Variants in XKR4 observed in about 807,000 individuals in gnomAD.
XKR4 encodes the protein XK related 4, also known as XK-related protein 4.
A neutral mutation model predicts 53.9 loss-of-function variants in XKR4; 12 were observed. The observed-to-expected ratio is 0.22, with a 90% CI of 0.14 to 0.36. The LOEUF (loss-of-function observed/expected upper bound fraction) is 0.36. Ranked by LOEUF, XKR4 falls within the 10% of genes least tolerant of loss-of-function variation. The pLI is 1.00. For missense variants in XKR4, 799 were observed against 859.5 expected, an observed-to-expected ratio of 0.93 and a Z score of 0.88; for synonymous variants, 354 against 362.4, an observed-to-expected ratio of 0.98 and a Z score of 0.26.
chr8:55,409,217 C>T (rs547982253), intron 2 of XKR4, among the ~76,000 whole-genome samples: 1 of 152,176 alleles, frequency 6.6e-6, no homozygotes, highest in Non-Finnish European at 1.5e-5. Flanking sequence ...GCGTTACAGG[C>T]CTGGCAGGCA....
At chr8:55,206,233 C>T (rs1052812024) in intron 1 of XKR4, among the ~76,000 whole-genome samples, 2 of 145,206 alleles carry the variant, frequency 1.4e-5, no homozygotes, top group East Asian at 3.9e-4. Flanking sequence ...GGGTGGCCAG[C>T]TTTTATTCCC....
At chr8:55,286,793 G>A (rs990062830) in intron 1 of XKR4, among the ~76,000 whole-genome samples, 1 of 152,136 alleles carries the variant, frequency 6.6e-6, no homozygotes, top group Non-Finnish European at 1.5e-5. Flanking sequence ...CCTTGAATGT[G>A]ATGGGCACTC....
chr8:55,171,796 C>G (rs1007854649), intron 1 of XKR4, among the ~76,000 whole-genome samples: 6 of 152,116 alleles, frequency 3.9e-5, no homozygotes, highest in Admixed American at 6.5e-5. Context: ...CTTCCAGTAT[C>G]CCCGAGCTAC....
chr8:55,203,953 AG>A (rs544432838), intron 1 of XKR4, among the ~76,000 whole-genome samples: 8 of 152,324 alleles, frequency 5.3e-5, no homozygotes, highest in Admixed American at 5.2e-4. Context: ...ATTCACTGGA[AG>A]AGATGTGTAC....
intron 2 of XKR4, chr8:55,455,035 G>A: frequency 1.3e-6 from 1 of 742,982 alleles, no homozygotes; most frequent in Non-Finnish European, 2.5e-6. Flanking sequence ...TGGCCTCCCA[G>A]TCCTTCTCCG....
intron 2 of XKR4, among the ~76,000 whole-genome samples, chr8:55,447,183 A>G (rs1292688615): frequency 6.6e-6 from 1 of 152,238 alleles, no homozygotes; most frequent in Non-Finnish European, 1.5e-5. Context: ...AGAAACCATC[A>G]AAGCTAACTG....
intron 2 of XKR4, among the ~76,000 whole-genome samples, chr8:55,481,952 T>C (rs1361110371): frequency 6.6e-6 from 1 of 152,230 alleles, no homozygotes; most frequent in East Asian, 1.9e-4. Flanking sequence ...TTGGTGGGAC[T>C]GTAATCTAGT....
intron 2 of XKR4, among the ~76,000 whole-genome samples, chr8:55,486,467 C>A (rs970427194): frequency 1.3e-5 from 2 of 152,190 alleles, no homozygotes; most frequent in Non-Finnish European, 2.9e-5. Flanking sequence ...GCAAAAATTG[C>A]ATGAAACAAA....
intron 1 of XKR4, among the ~76,000 whole-genome samples, chr8:55,139,557 C>T (rs182208893): frequency 2.0e-5 from 3 of 148,114 alleles, no homozygotes; most frequent in Admixed American, 6.7e-5. Flanking sequence ...TTGGCCCTAA[C>T]GGAAATAGGG....
chr8:55,375,154 G>T (rs1804129187), intron 2 of XKR4, among the ~76,000 whole-genome samples: 1 of 152,220 alleles, frequency 6.6e-6, no homozygotes, highest in Admixed American at 6.5e-5. Flanking sequence ...TTGAGTGTGT[G>T]ACTTCACGAC....
At chr8:55,449,184 T>C (rs1241692172) in intron 2 of XKR4, among the ~76,000 whole-genome samples, 3 of 136,728 alleles carry the variant, frequency 2.2e-5, no homozygotes, top group Non-Finnish European at 4.8e-5. Flanking sequence ...TTATTTATTT[T>C]ATTTTGCATT....
rs1563374465 is a variant in XKR4 at position 55,529,071 on chromosome 8, ACAGT to A, written c.*4845_*4848del. ...GCAAGACTCTCAATCTACAGCCTCG[ACAGT>A]ATCATTACTCATTCTAAAGTAAAAC... On this transcript the variant is annotated 3_prime_UTR_variant, in exon 3 of 3. Transcript: ENST00000327381. 1 of 150,392 alleles carries A rather than the reference ACAGT, an allele frequency of 6.6e-6. No homozygotes were observed. Among genetic ancestry groups the A allele is most frequent in the Non-Finnish European group, 1.5e-5 (1 of 67,776 alleles). 9.3% of individuals were successfully genotyped at this position (150,392 alleles called of 1,614,324 possible). A position where few individuals can be genotyped will look rare whatever the true frequency, so the allele number is the denominator to read the frequency against.
At chr8:55,231,259 C>A (rs931076396) in intron 1 of XKR4, among the ~76,000 whole-genome samples, 1 of 152,152 alleles carries the variant, frequency 6.6e-6, no homozygotes. Context: ...GAAGTACGTA[C>A]GCAATTGAAA....
chr8:55,420,830 G>A (rs1174660650), intron 2 of XKR4, among the ~76,000 whole-genome samples: 2 of 150,920 alleles, frequency 1.3e-5, no homozygotes, highest in East Asian at 3.9e-4. Context: ...AAATAAAAAA[G>A]AAAGATCCTT....
At chr8:55,500,159 C>A (rs2658934) in intron 2 of XKR4, among the ~76,000 whole-genome samples, 24,858 of 135,914 alleles carry the variant, frequency 0.18, 2,621 homozygotes, top group East Asian at 0.27. Flanking sequence ...CTGGGAAAAG[C>A]ATCTGCTCCT....
At chr8:55,416,538 G>T (rs1804847997) in intron 2 of XKR4, among the ~76,000 whole-genome samples, 1 of 152,192 alleles carries the variant, frequency 6.6e-6, no homozygotes, top group Admixed American at 6.5e-5. Flanking sequence ...TAGAAAGTCA[G>T]TCGACATCAA....
chr8:55,303,852 A>T (rs1819247108), intron 1 of XKR4, among the ~76,000 whole-genome samples: 1 of 151,950 alleles, frequency 6.6e-6, no homozygotes, highest in Non-Finnish European at 1.5e-5. Context: ...TATCCCCTTT[A>T]TCATTTTTTA....
At chr8:55,164,500 C>T (rs7460294) in intron 1 of XKR4, 1 of 452,118 alleles carries the variant, frequency 2.2e-6, no homozygotes, top group Non-Finnish European at 4.5e-6. Flanking sequence ...AGCTCAATGT[C>T]CTGAGCTTGC....
At chr8:55,232,213 G>A (rs555604044) in intron 1 of XKR4, among the ~76,000 whole-genome samples, 1 of 152,332 alleles carries the variant, frequency 6.6e-6, no homozygotes, top group East Asian at 1.9e-4. Flanking sequence ...AAATAGGAAA[G>A]TGGAATTCTC....
Sources: gnomAD v4.1 joint callset for allele counts (sites outside exome capture counted in the v4.1 genomes callset) on GRCh38, gnomAD v4.1.1 for gene constraint, MANE v1.5 for transcripts, NCBI Gene and HGNC (gene_info 2026-07-23, HGNC 2026-07-21) for gene names.